LINGO2: variants seen among roughly 807,000 people sequenced by gnomAD.
LINGO2 encodes the protein leucine rich repeat and Ig domain containing 2.
In LINGO2, 14 loss-of-function variants were observed where a neutral mutation model predicts 30.6. The ratio of observed to expected loss-of-function variants is 0.46; its 90% CI spans 0.30 to 0.72. LINGO2 has a LOEUF of 0.72. LINGO2 is among the 30% of genes least tolerant of loss of function. LINGO2 has a pLI of 0.07. For missense variants in LINGO2, 729 were observed against 751.7 expected (o/e 0.97, Z 0.35); for synonymous variants, 317 against 288.5 (o/e 1.10, Z -1.00).
At chr9:28,515,649 T>C (rs956138422) in intron 1 of LINGO2, among the ~76,000 whole-genome samples, 2 of 152,202 alleles carry the variant, frequency 1.3e-5, no homozygotes, top group African/African-American at 2.4e-5. Flanking sequence ...TGATAAAATG[T>C]GAATAGATGA....
At chr9:28,843,867 C>A in the LINGO2 span, among the ~76,000 whole-genome samples, 1 of 151,704 alleles carries the variant, frequency 6.6e-6, no homozygotes, top group Non-Finnish European at 1.5e-5. Flanking sequence ...GGAATCAGAA[C>A]GATTTAGGTT....
At chr9:28,537,755 A>C (rs1336690560) in intron 1 of LINGO2, among the ~76,000 whole-genome samples, 1 of 152,042 alleles carries the variant, frequency 6.6e-6, no homozygotes, top group Non-Finnish European at 1.5e-5. Context: ...CTATAACAAT[A>C]GAATAGAGAG....
chr9:28,208,795 T>C (rs1382279621), intron 4 of LINGO2, among the ~76,000 whole-genome samples: 2 of 152,008 alleles, frequency 1.3e-5, no homozygotes, highest in Non-Finnish European at 2.9e-5. Flanking sequence ...TTGGGGGATC[T>C]GCACCTTTAA....
chr9:28,454,037 T>G (rs1170242720), intron 2 of LINGO2, among the ~76,000 whole-genome samples: 2 of 152,000 alleles, frequency 1.3e-5, no homozygotes, highest in African/African-American at 4.8e-5. Flanking sequence ...GGAAGTAGGC[T>G]TTTAATGAGA....
At chr9:28,621,194 G>A (rs553075568) in intron 1 of LINGO2, among the ~76,000 whole-genome samples, 1 of 151,858 alleles carries the variant, frequency 6.6e-6, no homozygotes, top group Non-Finnish European at 1.5e-5. Flanking sequence ...ACATAAAAAT[G>A]TATATATGTA....
intron 4 of LINGO2, among the ~76,000 whole-genome samples, chr9:28,037,719 T>C (rs1400592969): frequency 1.3e-5 from 2 of 152,234 alleles, no homozygotes; most frequent in African/African-American, 4.8e-5. Flanking sequence ...ACCAATAAAT[T>C]AGCGAATGAA....
chr9:28,759,560 C>A, the LINGO2 span, among the ~76,000 whole-genome samples: 4 of 151,638 alleles, frequency 2.6e-5, no homozygotes, highest in African/African-American at 7.3e-5. Flanking sequence ...CAGGCGCCTG[C>A]AGTCCCAGCT....
intron 1 of LINGO2, among the ~76,000 whole-genome samples, chr9:28,506,485 C>CACATATATAT (rs1820135121): frequency 6.8e-5 from 5 of 73,398 alleles, no homozygotes; most frequent in Non-Finnish European, 1.4e-4. Flanking sequence ...CACACATACA[C>CACATATATAT]ATACACACAC....
chr9:28,310,444 G>A (rs1455888527), intron 3 of LINGO2, among the ~76,000 whole-genome samples: 1 of 152,136 alleles, frequency 6.6e-6, no homozygotes, highest in Non-Finnish European at 1.5e-5. Context: ...TTCTTCTGCA[G>A]CCCTCCAAAA....
chr9:28,533,313 C>T (rs941086214), intron 1 of LINGO2, among the ~76,000 whole-genome samples: 6 of 152,112 alleles, frequency 3.9e-5, no homozygotes, highest in Non-Finnish European at 4.4e-5. Context: ...GCTGCACCGT[C>T]CGCTTCCCAC....
the LINGO2 span, among the ~76,000 whole-genome samples, chr9:28,694,072 C>T: frequency 1.1e-4 from 16 of 151,200 alleles, no homozygotes; most frequent in African/African-American, 3.2e-4. Flanking sequence ...ATAACTTCTG[C>T]GGTCCAGTTA....
At chr9:28,162,673 A>G (rs977766092) in intron 4 of LINGO2, among the ~76,000 whole-genome samples, 5 of 152,124 alleles carry the variant, frequency 3.3e-5, no homozygotes, top group Non-Finnish European at 7.4e-5. Flanking sequence ...TATATTTTGT[A>G]CTAATTATTT....
At chr9:28,332,798 C>T (rs985165337) in intron 3 of LINGO2, among the ~76,000 whole-genome samples, 2 of 152,082 alleles carry the variant, frequency 1.3e-5, no homozygotes, top group African/African-American at 4.8e-5. Flanking sequence ...AGTAGGAAAA[C>T]CTGTAAAACT....
intron 4 of LINGO2, among the ~76,000 whole-genome samples, chr9:28,082,104 G>T (rs576369686): frequency 6.6e-6 from 1 of 152,208 alleles, no homozygotes; most frequent in African/African-American, 2.4e-5. Flanking sequence ...TTGTTTCGTT[G>T]AGGTCTATCT....
intron 4 of LINGO2, among the ~76,000 whole-genome samples, chr9:28,280,030 A>G (rs1238462075): frequency 1.3e-5 from 2 of 152,168 alleles, no homozygotes; most frequent in African/African-American, 4.8e-5. Flanking sequence ...GAAACAAAGC[A>G]CAGTGTTATA....
intron 1 of LINGO2, among the ~76,000 whole-genome samples, chr9:28,622,207 A>G (rs1826430457): frequency 1.3e-5 from 2 of 151,910 alleles, no homozygotes; most frequent in African/African-American, 2.4e-5. Context: ...ATTATTGACT[A>G]TAGTTACCCA....
intron 4 of LINGO2, among the ~76,000 whole-genome samples, chr9:28,092,909 A>G (rs1258123956): frequency 1.3e-5 from 2 of 152,024 alleles, no homozygotes; most frequent in African/African-American, 4.8e-5. Flanking sequence ...ACATTGGACT[A>G]AGTGCTTTCT....
At chr9:28,403,249 G>T (rs1469069375) in intron 2 of LINGO2, among the ~76,000 whole-genome samples, 1 of 152,118 alleles carries the variant, frequency 6.6e-6, no homozygotes, top group East Asian at 1.9e-4. Flanking sequence ...TTTGGTGTCT[G>T]GTTGGAGTAG....
intron 5 of LINGO2, among the ~76,000 whole-genome samples, chr9:27,961,813 G>C (rs1819862661): frequency 6.6e-6 from 1 of 152,076 alleles, no homozygotes; most frequent in African/African-American, 2.4e-5. Context: ...GCAAATTCAA[G>C]AGGTATTCTG....
Sources: gnomAD v4.1 joint callset for allele counts (sites outside exome capture counted in the v4.1 genomes callset) on GRCh38, gnomAD v4.1.1 for gene constraint, MANE v1.5 for transcripts, NCBI Gene and HGNC (gene_info 2026-07-23, HGNC 2026-07-21) for gene names.